The following SERGEF variants were observed in gnomAD, a reference collection of about 807,000 sequenced individuals.
The protein encoded by SERGEF is secretion regulating guanine nucleotide exchange factor.
A neutral mutation model predicts 50.0 loss-of-function variants in SERGEF; 51 were observed. The ratio of observed to expected loss-of-function variants is 1.02; its 90% CI spans 0.81 to 1.29. The LOEUF (loss-of-function observed/expected upper bound fraction) is 1.29. Ranked by LOEUF, SERGEF falls within the 50% of genes most tolerant of loss-of-function variation. SERGEF has a pLI of 0.00. For synonymous variants in SERGEF, 205 were observed against 212.4 expected (o/e 0.97, Z 0.30); for missense variants, 521 against 557.0 (o/e 0.94, Z 0.65).
chr11:17,809,856 C>A (rs1291601598), intron 10 of SERGEF, among the ~76,000 whole-genome samples: 1 of 152,106 alleles, frequency 6.6e-6, no homozygotes, highest in Non-Finnish European at 1.5e-5. Flanking sequence ...TAGAATCCAA[C>A]CCCAAGGATA....
chr11:17,860,608 T>C (rs72873820), intron 10 of SERGEF, among the ~76,000 whole-genome samples: 3,972 of 152,284 alleles, frequency 0.026, 75 homozygotes, highest in Non-Finnish European at 0.037. Context: ...TTTTAGTATT[T>C]AGAAAATTTT....
intron 10 of SERGEF, among the ~76,000 whole-genome samples, chr11:17,810,927 CTT>C (rs969034627): frequency 1.3e-5 from 2 of 152,162 alleles, no homozygotes; most frequent in Admixed American, 1.3e-4. Context: ...TCAAAGGAGA[CTT>C]TTACATCCGA....
intron 10 of SERGEF, among the ~76,000 whole-genome samples, chr11:17,820,755 TAAG>T (rs1341275520): frequency 2.0e-5 from 3 of 152,298 alleles, no homozygotes; most frequent in South Asian, 4.1e-4. Flanking sequence ...GATTTTGAAA[TAAG>T]AAGCTTGTCC....
At chr11:17,894,945 C>T (rs1590182220) in intron 9 of SERGEF, among the ~76,000 whole-genome samples, 3 of 152,192 alleles carry the variant, frequency 2.0e-5, no homozygotes, top group Admixed American at 2.0e-4. Context: ...TGCCACAGGG[C>T]AGAGACAGTT....
intron 10 of SERGEF, among the ~76,000 whole-genome samples, chr11:17,803,127 A>C (rs968661280): frequency 6.6e-6 from 1 of 152,258 alleles, no homozygotes; most frequent in Non-Finnish European, 1.5e-5. Context: ...AGCAACTGCT[A>C]TATTGTGTGT....
chr11:17,862,580 TTTAA>T (rs1453689108), intron 10 of SERGEF, among the ~76,000 whole-genome samples: 1 of 152,106 alleles, frequency 6.6e-6, no homozygotes, highest in Non-Finnish European at 1.5e-5. Flanking sequence ...CTGTTCTACA[TTTAA>T]GGGCTTTAGG....
intron 9 of SERGEF, among the ~76,000 whole-genome samples, chr11:17,890,026 C>CAAAA (rs59805347): frequency 9.9e-4 from 73 of 73,608 alleles, no homozygotes; most frequent in Middle Eastern, 7.4e-3. Context: ...ACACTTCAAC[C>CAAAA]AAAAAAAAAA....
At chr11:17,953,725 C>G (rs762549968) in intron 9 of SERGEF, among the ~76,000 whole-genome samples, 2 of 152,206 alleles carry the variant, frequency 1.3e-5, no homozygotes, top group Non-Finnish European at 2.9e-5. Flanking sequence ...CAACTTTGAA[C>G]AAGACAGAGA....
In SERGEF at chr11:17,924,745, T is replaced by A. The variant is rs139176361; in HGVS notation, c.1011+34725A>T. Among the ~76,000 whole-genome samples the A allele has an allele frequency of 2.7e-3, 406 of 152,238 alleles. 1 individual carries two copies. Among genetic ancestry groups the A allele is most frequent in the African/African-American group, 9.1e-3 (376 of 41,536 alleles). On this transcript the variant is annotated intron_variant, in intron 9 of 10. Coordinates refer to ENST00000265965, the MANE Select transcript of SERGEF (RefSeq NM_012139.4). ...CCAGCTCAAGAAGTTAGGTAGAAAC[T>A]GAGTCTCAGAAAAATTGCAACTGGC... is the stretch of plus-strand genomic sequence containing the variant.
intron 7 of SERGEF, among the ~76,000 whole-genome samples, chr11:17,990,639 TA>T (rs1853693641): frequency 1.3e-5 from 2 of 152,230 alleles, no homozygotes; most frequent in Admixed American, 1.3e-4. Context: ...CCTCAGCAGG[TA>T]AAATTAAATT....
chr11:17,819,839 T>G (rs1441180818), intron 10 of SERGEF, among the ~76,000 whole-genome samples: 4 of 152,030 alleles, frequency 2.6e-5, no homozygotes, highest in Non-Finnish European at 5.9e-5. Flanking sequence ...CTTTTGCTTT[T>G]TTGTTGTTGT....
At chr11:18,002,231 T>G (rs1353229238) in intron 4 of SERGEF, among the ~76,000 whole-genome samples, 1 of 152,192 alleles carries the variant, frequency 6.6e-6, no homozygotes, top group Non-Finnish European at 1.5e-5. Flanking sequence ...CACCTCTTAC[T>G]CTCCATCCCA....
chr11:17,811,664 A>G (rs1849876374), intron 10 of SERGEF, among the ~76,000 whole-genome samples: 1 of 152,250 alleles, frequency 6.6e-6, no homozygotes, highest in African/African-American at 2.4e-5. Context: ...TGCCCCAGGC[A>G]CTGTGCTGGG....
chr11:17,987,951 G>A (rs1853634620), intron 8 of SERGEF, among the ~76,000 whole-genome samples: 1 of 152,174 alleles, frequency 6.6e-6, no homozygotes, highest in Admixed American at 6.5e-5. Flanking sequence ...GATGAATAGA[G>A]GCCATGAAAA....
At chr11:17,964,867 C>T (rs753239900) in intron 8 of SERGEF, among the ~76,000 whole-genome samples, 1 of 152,226 alleles carries the variant, frequency 6.6e-6, no homozygotes, top group Non-Finnish European at 1.5e-5. Context: ...ATAAAAAGGA[C>T]ATTTGATGAT....
At chr11:17,970,869 G>C (rs564928590) in intron 8 of SERGEF, among the ~76,000 whole-genome samples, 1 of 152,246 alleles carries the variant, frequency 6.6e-6, no homozygotes, top group East Asian at 1.9e-4. Context: ...AAAGATGGAA[G>C]CTAGCAGAGG....
At chr11:17,955,734 C>CA (rs113964970) in intron 9 of SERGEF, among the ~76,000 whole-genome samples, 1 of 152,262 alleles carries the variant, frequency 6.6e-6, no homozygotes, top group African/African-American at 2.4e-5. Flanking sequence ...CCAAGTCCCA[C>CA]AACGTAAACT....
At chr11:17,997,460 T>C (rs1412215890) in intron 5 of SERGEF, among the ~76,000 whole-genome samples, 1 of 152,166 alleles carries the variant, frequency 6.6e-6, no homozygotes, top group East Asian at 1.9e-4. Flanking sequence ...CTGTGGCAAA[T>C]AGTATGGTAG....
At chr11:17,996,246 C>T (rs553078235) in intron 5 of SERGEF, among the ~76,000 whole-genome samples, 2 of 152,230 alleles carry the variant, frequency 1.3e-5, no homozygotes, top group African/African-American at 4.8e-5. Flanking sequence ...AGATCCCAGA[C>T]AAAGCAGAAA....
Sources: gnomAD v4.1 joint callset for allele counts (sites outside exome capture counted in the v4.1 genomes callset) on GRCh38, gnomAD v4.1.1 for gene constraint, MANE v1.5 for transcripts, NCBI Gene and HGNC (gene_info 2026-07-23, HGNC 2026-07-21) for gene names.